The following ST8SIA2 variants were observed in gnomAD, a reference collection of about 807,000 sequenced individuals.
The protein encoded by ST8SIA2 is alpha-2,8-sialyltransferase 8B.
ST8SIA2 carries 22 observed loss-of-function variants against 37.6 expected under a neutral mutation model. The observed-to-expected ratio is 0.58, with a 90% CI of 0.42 to 0.83. The LOEUF is 0.83. Ranked by LOEUF, ST8SIA2 falls within the 40% of genes least tolerant of loss-of-function variation. ST8SIA2 has a pLI of 0.00. For missense variants in ST8SIA2, 382 were observed against 484.7 expected (o/e 0.79, Z 1.99); for synonymous variants, 205 against 201.2 (o/e 1.02, Z -0.16).
chr15:92,455,404 A>C (rs1023927657), intron 5 of ST8SIA2, among the ~76,000 whole-genome samples: 2 of 152,170 alleles, frequency 1.3e-5, no homozygotes, highest in African/African-American at 4.8e-5. Flanking sequence ...GTGAAAAGAC[A>C]TCCAAATTGG....
intron 5 of ST8SIA2, among the ~76,000 whole-genome samples, chr15:92,459,008 G>A (rs1331980388): frequency 1.3e-5 from 2 of 152,278 alleles, no homozygotes; most frequent in South Asian, 2.1e-4. Flanking sequence ...ACAGGGATCA[G>A]TGGGGAAAGG....
chr15:92,402,068 G>A (rs75778498), intron 1 of ST8SIA2, among the ~76,000 whole-genome samples: 2 of 152,248 alleles, frequency 1.3e-5, no homozygotes, highest in Admixed American at 6.5e-5. Context: ...AGTGATGGTA[G>A]CTATGAAATT....
intron 1 of ST8SIA2, among the ~76,000 whole-genome samples, chr15:92,416,076 C>A (rs2049584134): frequency 6.6e-6 from 1 of 152,074 alleles, no homozygotes; most frequent in South Asian, 2.1e-4. Flanking sequence ...TTTCGGAAAG[C>A]TGTGTCTGTG....
rs577806212 is a variant in ST8SIA2, at chr15:92,394,576, G to T, written c.98+414G>T. Reference sequence around the variant, plus strand: ...CCAGCACGGCCGCTTTCTCGCCTTGGCAAAGTGGGCAGGGGGCGCGCAGGG... The same window carrying T: ...CCAGCACGGCCGCTTTCTCGCCTTGTCAAAGTGGGCAGGGGGCGCGCAGGG... On this transcript the variant is annotated intron_variant, in intron 1 of 5. Transcript: ENST00000268164. Among the ~76,000 whole-genome samples the T allele has an allele frequency of 1.1e-4, 17 of 152,312 alleles. No homozygotes were observed. The South Asian group carries it at 3.5e-3, about 32-fold the overall frequency.
At chr15:92,454,048 T>A (rs1183338496) in intron 5 of ST8SIA2, among the ~76,000 whole-genome samples, 1 of 152,158 alleles carries the variant, frequency 6.6e-6, no homozygotes, top group Non-Finnish European at 1.5e-5. Context: ...ACTGAGGTGG[T>A]GGAGAGGAAA....
chr15:92,445,011 A>G (rs1293114996), intron 5 of ST8SIA2, 82 bp downstream of exon 5: 2 of 1,581,072 alleles, frequency 1.3e-6, no homozygotes, highest in Non-Finnish European at 1.7e-6. Flanking sequence ...TCCCAGGTGC[A>G]TTTCCATCCC....
chr15:92,396,180 T>C (rs1567207976), intron 1 of ST8SIA2, among the ~76,000 whole-genome samples: 3 of 152,164 alleles, frequency 2.0e-5, no homozygotes, highest in Non-Finnish European at 4.4e-5. Context: ...CTCTCTTGCC[T>C]CTCGTCCCAG....
At chr15:92,457,758 C>T (rs181327328) in intron 5 of ST8SIA2, among the ~76,000 whole-genome samples, 10 of 152,258 alleles carry the variant, frequency 6.6e-5, no homozygotes, top group Admixed American at 4.6e-4. Flanking sequence ...CGTTAAGTGG[C>T]GCTCCCGTGT....
chr15:92,454,240 A>G (rs1295427317), intron 5 of ST8SIA2, among the ~76,000 whole-genome samples: 1 of 152,054 alleles, frequency 6.6e-6, no homozygotes, highest in Non-Finnish European at 1.5e-5. Context: ...GATCTGCACC[A>G]GGCCTCTCAC....
Position 92,444,756 on chromosome 15 carries a change from G to C in ST8SIA2, c.669G>C (p.Arg223=), listed in dbSNP as rs149173322. 2.5e-5 allele frequency: 41 copies of C among 1,614,052 alleles called. No homozygotes were observed. The highest frequency in any genetic ancestry group is 5.3e-5 in the African/African-American group (4 of 74,946). The change falls in exon 5 of 6, where the codon CGG becomes CGC. Residue 223 remains arginine (R), a synonymous_variant. Transcript: ENST00000268164. ...AGGACTTGGTCAATGCCACGTGGCGGGAGAAGCTGCTGCAACGGCTGCACA... is the reference window on the plus strand; with the variant it reads ...AGGACTTGGTCAATGCCACGTGGCGCGAGAAGCTGCTGCAACGGCTGCACA... The part of the protein sequence containing the change: ...AFEDLVNATW[R]EKLLQRLHSL...
chr15:92,438,020 CTGGGGTGG>C (rs1160739209), intron 3 of ST8SIA2, among the ~76,000 whole-genome samples: 1 of 152,176 alleles, frequency 6.6e-6, no homozygotes, highest in Non-Finnish European at 1.5e-5. Flanking sequence ...CCTGGGGAAA[CTGGGGTGG>C]TGGGCCACCC....
intron 1 of ST8SIA2, 61 bp downstream of exon 1, chr15:92,394,223 A>G (rs1387208982): frequency 2.2e-6 from 3 of 1,375,218 alleles, no homozygotes; most frequent in African/African-American, 2.9e-5. Flanking sequence ...CTCCTTCTGT[A>G]CTCTCCACCC....
intron 1 of ST8SIA2, among the ~76,000 whole-genome samples, chr15:92,406,391 G>C (rs1185583627): frequency 6.6e-6 from 1 of 152,332 alleles, no homozygotes; most frequent in South Asian, 2.1e-4. Context: ...CAGTGAGCTA[G>C]AGCCTTGTCA....
At chr15:92,399,512 G>A (rs2049455038) in intron 1 of ST8SIA2, among the ~76,000 whole-genome samples, 1 of 152,224 alleles carries the variant, frequency 6.6e-6, no homozygotes, top group Non-Finnish European at 1.5e-5. Flanking sequence ...TAGTGGACGA[G>A]TGCACGTGGA....
chr15:92,399,758 T>C (rs753708913), intron 1 of ST8SIA2, among the ~76,000 whole-genome samples: 3 of 152,192 alleles, frequency 2.0e-5, no homozygotes, highest in Non-Finnish European at 4.4e-5. Flanking sequence ...AAATTGTAAA[T>C]AGATACCATC....
intron 1 of ST8SIA2, among the ~76,000 whole-genome samples, chr15:92,396,557 A>C (rs546743215): frequency 6.6e-6 from 1 of 151,272 alleles, no homozygotes; most frequent in Non-Finnish European, 1.5e-5. Flanking sequence ...GCAGTGGCAC[A>C]ATCTCGGCTC....
Position 92,438,382 on chromosome 15 carries a change from A to C in ST8SIA2, c.320A>C (p.Glu107Ala), listed in dbSNP as rs765064729. 1 of 1,614,234 alleles carries C rather than the reference A, an allele frequency of 6.2e-7. No individual in the cohort carries two copies. The highest frequency in any genetic ancestry group is 1.1e-5 in the South Asian group (1 of 91,088). ...CAGATTTTAAAGTTCTTGGATGCTGAAAAGGACATTTCTGTCCTAAAGGGA... is the reference window on the plus strand; with the variant it reads ...CAGATTTTAAAGTTCTTGGATGCTGCAAAGGACATTTCTGTCCTAAAGGGA... ...RKQILKFLDAEKDISVLKGTL... is the reference protein window; with the variant it reads ...RKQILKFLDAAKDISVLKGTL... Residue 107 changes from glutamate to alanine, a missense_variant, in exon 4 of 6, where the codon GAA (glutamate) becomes GCA (alanine). Transcript: ENST00000268164.
At chr15:92,402,849 CAG>C (rs58104024) in intron 1 of ST8SIA2, among the ~76,000 whole-genome samples, 100 of 148,850 alleles carry the variant, frequency 6.7e-4, no homozygotes, top group Admixed American at 9.3e-4. Flanking sequence ...ATCTCATTAC[CAG>C]AGAGAGAGAG....
At chr15:92,397,089 G>C (rs554343954) in intron 1 of ST8SIA2, among the ~76,000 whole-genome samples, 17 of 152,314 alleles carry the variant, frequency 1.1e-4, no homozygotes, top group African/African-American at 4.1e-4. Flanking sequence ...GGCTGTTTCT[G>C]GAAAGTAATG....
Sources: gnomAD v4.1 joint callset for allele counts (sites outside exome capture counted in the v4.1 genomes callset) on GRCh38, gnomAD v4.1.1 for gene constraint, MANE v1.5 for transcripts, NCBI Gene and HGNC (gene_info 2026-07-23, HGNC 2026-07-21) for gene names.